CASK: variants seen among roughly 807,000 people sequenced by gnomAD.
The protein encoded by CASK is calcium/calmodulin dependent serine protein kinase, also known as peripheral plasma membrane protein CASK.
A neutral mutation model predicts 82.9 loss-of-function variants in CASK; 4 were observed. The observed-to-expected ratio is 0.05, with a 90% CI of 0.02 to 0.11. CASK has a LOEUF of 0.11. CASK is among the 10% of genes least tolerant of loss of function. The pLI, the probability that CASK is intolerant of heterozygous loss-of-function variation, is 1.00. For missense variants in CASK, 358 were observed against 720.9 expected, an observed-to-expected ratio of 0.50 and a Z score of 5.76; for synonymous variants, 259 against 253.5, an observed-to-expected ratio of 1.02 and a Z score of -0.20.
chrX:41,633,004 C>T (rs1266822058), intron 9 of CASK, among the ~76,000 whole-genome samples: 1 of 100,127 alleles, frequency 1.0e-5, no homozygotes, highest in Non-Finnish European at 2.0e-5. Context: ...GATTGCGCCA[C>T]TGCACTCTAA....
chrX:41,780,318 T>A (rs1429971704), intron 3 of CASK, among the ~76,000 whole-genome samples: 2 of 112,191 alleles, frequency 1.8e-5, no homozygotes, highest in Non-Finnish European at 3.8e-5. Context: ...AAGTAATGGA[T>A]GTGCAAATAT....
chrX:41,717,129 G>A (rs1240333664), intron 5 of CASK, among the ~76,000 whole-genome samples: 1 of 111,054 alleles, frequency 9.0e-6, no homozygotes, highest in Non-Finnish European at 1.9e-5. Context: ...ACCAAGACCA[G>A]TTTCGATTGT....
chrX:41,788,695 AAG>A (rs958063806), intron 2 of CASK, among the ~76,000 whole-genome samples: 2 of 111,438 alleles, frequency 1.8e-5, no homozygotes, highest in Non-Finnish European at 3.8e-5. Context: ...TAAGAAAATC[AAG>A]AGAGTAGAGG....
chrX:41,873,283 C>CAAAAA (rs1175165867), intron 1 of CASK, among the ~76,000 whole-genome samples: 14 of 31,266 alleles, frequency 4.5e-4, no homozygotes, highest in East Asian at 1.6e-3. Flanking sequence ...TTCTTCCTCA[C>CAAAAA]AAAAAAAAAA....
intron 26 of CASK, among the ~76,000 whole-genome samples, chrX:41,521,451 T>C (rs2064636153): frequency 8.9e-6 from 1 of 111,989 alleles, no homozygotes; most frequent in African/African-American, 3.2e-5. Flanking sequence ...ACAAAGGATG[T>C]TCCCTAAGCT....
At chrX:41,700,141 G>C (rs2067765317) in intron 5 of CASK, among the ~76,000 whole-genome samples, 1 of 112,105 alleles carries the variant, frequency 8.9e-6, no homozygotes, top group African/African-American at 3.2e-5. Flanking sequence ...GTTAGTTTTA[G>C]AAAAGTATGC....
intron 8 of CASK, among the ~76,000 whole-genome samples, chrX:41,642,194 T>C (rs1411163511): frequency 9.0e-5 from 10 of 111,523 alleles, no homozygotes; most frequent in African/African-American, 3.3e-4. Context: ...TGAATAGTGC[T>C]GTAATAAACA....
intron 8 of CASK, among the ~76,000 whole-genome samples, chrX:41,641,134 C>T (rs5918218): frequency 0.12 from 13,292 of 109,290 alleles, 731 homozygotes; most frequent in Middle Eastern, 0.17. Flanking sequence ...TACAGGCATG[C>T]GCTATCACGC....
At chrX:41,531,739 T>G (rs1280421803) in intron 24 of CASK, among the ~76,000 whole-genome samples, 1 of 112,031 alleles carries the variant, frequency 8.9e-6, no homozygotes, top group Non-Finnish European at 1.9e-5. Flanking sequence ...GTACTGTCAT[T>G]GTCACAGAAA....
chrX:41,867,414 T>C (rs1207519196), intron 1 of CASK, among the ~76,000 whole-genome samples: 1 of 112,417 alleles, frequency 8.9e-6, no homozygotes, highest in Non-Finnish European at 1.9e-5. Context: ...AAGCTATAGC[T>C]CTCTGATACC....
chrX:41,560,717 C>A (rs1312231581), intron 17 of CASK, among the ~76,000 whole-genome samples: 4 of 106,122 alleles, frequency 3.8e-5, no homozygotes, highest in Non-Finnish European at 7.8e-5. Flanking sequence ...ATGGAGAAAC[C>A]CCGTCTCTAC....
At position 41,555,583 on chromosome X, in the gene CASK, A is replaced by G; in HGVS notation, c.1842+17T>C. ...CTGCTCAGTTTAGAGAAGTTTCTAT[A>G]GAGGATATCTATTCACCTGTCGTCC... is the stretch of plus-strand genomic sequence containing the variant. On this transcript the variant is annotated intron_variant, in intron 20 of 26. Transcript: ENST00000378163. The G allele has an allele frequency of 8.5e-7, 1 of 1,176,210 alleles. No homozygotes were observed. The highest frequency in any genetic ancestry group is 1.2e-6 in the Non-Finnish European group (1 of 863,071).
intron 16 of CASK, among the ~76,000 whole-genome samples, chrX:41,569,051 A>C (rs1390093996): frequency 1.8e-5 from 2 of 112,050 alleles, no homozygotes; most frequent in Non-Finnish European, 3.8e-5. Flanking sequence ...TTCTCTCCAC[A>C]GAATGACTGC....
intron 4 of CASK, among the ~76,000 whole-genome samples, chrX:41,745,225 C>T (rs182884379): frequency 2.5e-3 from 274 of 111,436 alleles, no homozygotes; most frequent in Middle Eastern, 4.6e-3. Context: ...ACCATGTTGG[C>T]CAGGATGATC....
At chrX:41,666,967 T>C (rs777031943) in intron 6 of CASK, among the ~76,000 whole-genome samples, 1 of 110,862 alleles carries the variant, frequency 9.0e-6, no homozygotes, top group South Asian at 3.9e-4. Context: ...ACCAGTATCA[T>C]TCAATTGGTA....
chrX:41,832,392 A>C (rs901796910), intron 2 of CASK, among the ~76,000 whole-genome samples: 52 of 112,227 alleles, frequency 4.6e-4, no homozygotes, highest in African/African-American at 1.5e-3. Context: ...ATGTGGTAGA[A>C]TAAGACAGGG....
At chrX:41,702,045 G>T (rs1426855163) in intron 5 of CASK, among the ~76,000 whole-genome samples, 2 of 108,493 alleles carry the variant, frequency 1.8e-5, no homozygotes, top group Non-Finnish European at 3.8e-5. Flanking sequence ...TGTATTGGGG[G>T]TAAAAATTTC....
chrX:41,754,878 GTTT>G, intron 3 of CASK, among the ~76,000 whole-genome samples: 1 of 94,228 alleles, frequency 1.1e-5, no homozygotes, highest in Admixed American at 1.2e-4. Context: ...TTTCTGACAA[GTTT>G]TTTTTTTTTT....
chrX:41,753,521 T>C (rs1166471333), intron 3 of CASK, among the ~76,000 whole-genome samples: 4 of 111,436 alleles, frequency 3.6e-5, no homozygotes, highest in Non-Finnish European at 7.5e-5. Flanking sequence ...TAGAAGGAAA[T>C]AATAAGCAGA....
Sources: gnomAD v4.1 joint callset for allele counts (sites outside exome capture counted in the v4.1 genomes callset) on GRCh38, gnomAD v4.1.1 for gene constraint, MANE v1.5 for transcripts, NCBI Gene and HGNC (gene_info 2026-07-23, HGNC 2026-07-21) for gene names.